ARHGAP1: variants seen among roughly 807,000 people sequenced by gnomAD.
ARHGAP1 encodes the protein Rho GTPase activating protein 1.
In ARHGAP1, 23 loss-of-function variants were observed where a neutral mutation model predicts 52.2. The observed-to-expected ratio is 0.44, with a 90% CI of 0.32 to 0.62. The LOEUF is 0.62. Among genes scored for constraint, ARHGAP1 ranks in the 20% least tolerant of loss-of-function variants. The pLI, the probability that ARHGAP1 is intolerant of heterozygous loss-of-function variation, is 0.05. For missense variants in ARHGAP1, 480 were observed against 560.9 expected (o/e 0.86, Z 1.46); for synonymous variants, 210 against 228.4 (o/e 0.92, Z 0.73).
intron 3 of ARHGAP1, among the ~76,000 whole-genome samples, chr11:46,690,374 G>A (rs1366064140): frequency 6.7e-6 from 1 of 150,344 alleles, no homozygotes; most frequent in African/African-American, 2.5e-5. Context: ...GTGATAAAGC[G>A]AGACTCCGTC....
chr11:46,699,809 T>C (rs2064687379), intron 1 of ARHGAP1, among the ~76,000 whole-genome samples: 1 of 152,176 alleles, frequency 6.6e-6, no homozygotes, highest in Admixed American at 6.5e-5. Context: ...TACAATTATG[T>C]TTGCATAGAG....
intron 1 of ARHGAP1, among the ~76,000 whole-genome samples, chr11:46,698,414 C>T (rs1249997296): frequency 6.6e-6 from 1 of 151,098 alleles, no homozygotes; most frequent in African/African-American, 2.4e-5. Flanking sequence ...CCAGCCTTGC[C>T]AACATGGTGA....
chr11:46,681,488 C>A lies in ARHGAP1; in HGVS notation c.450-109G>T. 2.5e-6 allele frequency: 2 copies of A among 807,734 alleles called. No individual in the cohort carries two copies. The highest frequency in any genetic ancestry group is 2.5e-5 in the East Asian group (1 of 40,222). 50.0% of individuals were successfully genotyped at this position (807,734 alleles called of 1,614,324 possible). A position where few individuals can be genotyped will look rare whatever the true frequency, so the allele number is the denominator to read the frequency against. On this transcript the variant is annotated intron_variant, in intron 5 of 12. Coordinates refer to ENST00000311956, the MANE Select transcript of ARHGAP1 (RefSeq NM_004308.5). The surrounding 1 kb of genome is among the most constrained non-coding windows in gnomAD (Gnocchi z 5.7). Reference sequence around the variant, plus strand: ...TGAGACAGAGTCTCCTTCACCCAGGCTGGAGTGTGATCTCAGCTCATTGCA... The same window carrying A: ...TGAGACAGAGTCTCCTTCACCCAGGATGGAGTGTGATCTCAGCTCATTGCA...
Position 46,679,855 on chromosome 11 carries a change from G to C in ARHGAP1, c.899-79C>G. 7 of 1,589,862 alleles carry C rather than the reference G, an allele frequency of 4.4e-6. No homozygotes were observed. The highest frequency in any genetic ancestry group is 6.0e-6 in the Non-Finnish European group (7 of 1,171,174). ...ATCTGCAGACAACGCGGGCCGCACT[G>C]CCTGACTGCCCCTGGACACTGCATA... On this transcript the variant is annotated intron_variant, in intron 10 of 12. Transcript: ENST00000311956. The surrounding 1 kb of genome is among the most constrained non-coding windows in gnomAD (Gnocchi z 4.4).
chr11:46,683,767 A>C (rs1357623495), intron 4 of ARHGAP1, among the ~76,000 whole-genome samples: 3 of 152,154 alleles, frequency 2.0e-5, no homozygotes, highest in Admixed American at 6.5e-5. Context: ...CAGCCTCCCA[A>C]GTAGCTGGGA....
Position 46,688,250 on chromosome 11 carries a change from C to A in ARHGAP1, c.240G>T (p.Lys80Asn). 1.2e-6 allele frequency: 2 copies of A among 1,613,732 alleles called. No homozygotes were observed. The highest frequency in any genetic ancestry group is 8.5e-7 in the Non-Finnish European group (1 of 1,179,844). ...TAAACACAATGATCTTCCGCCCATA[C>A]TTGTCATCTCCTAGGTGTGGAGAAA... ...HQIVEVAGDD[K>N]YGRKIIVFSA... Residue 80 changes from lysine to asparagine, a missense_variant, in exon 4 of 13, where the codon AAG (lysine) becomes AAT (asparagine). Transcript: ENST00000311956.
intron 3 of ARHGAP1, among the ~76,000 whole-genome samples, chr11:46,692,939 G>C (rs1303591301): frequency 6.6e-6 from 1 of 151,062 alleles, no homozygotes; most frequent in Non-Finnish European, 1.5e-5. Context: ...TGCAAGCTCC[G>C]CCTCCCGGGT....
At chr11:46,686,441 C>T (rs969593806) in intron 4 of ARHGAP1, among the ~76,000 whole-genome samples, 42 of 151,704 alleles carry the variant, frequency 2.8e-4, no homozygotes, top group African/African-American at 9.7e-4. Context: ...TTTTTTGAGA[C>T]GGAGTCTCGC....
intron 1 of ARHGAP1, among the ~76,000 whole-genome samples, chr11:46,697,846 CCCTTCAG>C (rs1410534269): frequency 6.6e-6 from 1 of 152,152 alleles, no homozygotes; most frequent in Non-Finnish European, 1.5e-5. Flanking sequence ...TCCCTCACTC[CCCTTCAG>C]CCTTCAACCC....
chr11:46,688,553 C>T (rs2064589098), intron 3 of ARHGAP1, among the ~76,000 whole-genome samples: 1 of 152,062 alleles, frequency 6.6e-6, no homozygotes, highest in Non-Finnish European at 1.5e-5. Context: ...GCAATCACGG[C>T]TCACTGTAGC....
Position 46,677,998 on chromosome 11 carries a change from T to C in ARHGAP1, c.*1039A>G, listed in dbSNP as rs1430385781. On this transcript the variant is annotated 3_prime_UTR_variant, in exon 13 of 13. Transcript: ENST00000311956. ...CCCCTTAATCCCCTGGGGAAATTGC[T>C]AGAACCCACCTATCTGGACTGACCT... The C allele has an allele frequency of 4.6e-6, 2 of 431,546 alleles. No individual in the cohort carries two copies. The highest frequency in any genetic ancestry group is 4.6e-6 in the Non-Finnish European group (1 of 219,514). The allele number at this position is 431,546 out of a possible 1,614,324, so 26.7% of individuals were successfully genotyped here.
At chr11:46,695,251 A>T in intron 3 of ARHGAP1, 1 of 350,452 alleles carries the variant, frequency 2.9e-6, no homozygotes, top group South Asian at 2.2e-5. Context: ...CCCATTCCAG[A>T]CTTCCCTAGG....
In ARHGAP1 at chr11:46,679,550, C is replaced by A; in HGVS notation, c.1028-82G>T. The A allele has an allele frequency of 6.2e-7, 1 of 1,604,506 alleles. No homozygotes were observed. The highest frequency in any genetic ancestry group is 8.5e-7 in the Non-Finnish European group (1 of 1,173,200). Reference sequence around the variant, plus strand: ...CTCTGATGCAGGCTAGAGGGGAGACCCCCAGCAGTCTTCCCTGGGAGGCGC... The same window carrying A: ...CTCTGATGCAGGCTAGAGGGGAGACACCCAGCAGTCTTCCCTGGGAGGCGC... On this transcript the variant is annotated intron_variant, in intron 11 of 12. Transcript: ENST00000311956. The surrounding 1 kb of genome is among the most constrained non-coding windows in gnomAD (Gnocchi z 4.4).
intron 4 of ARHGAP1, 107 bp from the exon 5 acceptor site, chr11:46,682,289 C>G: frequency 6.9e-7 from 1 of 1,448,342 alleles, no homozygotes; most frequent in Non-Finnish European, 9.5e-7. Context: ...CCCTTCCCCA[C>G]AGGCCCTCCC....
chr11:46,689,776 C>A (rs192542038), intron 3 of ARHGAP1, among the ~76,000 whole-genome samples: 1 of 152,108 alleles, frequency 6.6e-6, no homozygotes, highest in Non-Finnish European at 1.5e-5. Context: ...CCTGACGTCA[C>A]GATCCACCTG....
chr11:46,677,430 G>A lies in ARHGAP1; in HGVS notation c.*1607C>T, dbSNP rs2064486684. 6.5e-6 allele frequency: 1 copy of A among 152,890 alleles called. No individual in the cohort carries two copies. Among genetic ancestry groups the A allele is most frequent in the Non-Finnish European group, 1.5e-5 (1 of 68,400 alleles). 9.5% of individuals were successfully genotyped at this position (152,890 alleles called of 1,614,324 possible). A position where few individuals can be genotyped will look rare whatever the true frequency, so the allele number is the denominator to read the frequency against. ...GGAGAGCCCAGCGAAGTTATGCCCA[G>A]GCCCAGCCTGGCTTGCGGATGGGGC... On this transcript the variant is annotated 3_prime_UTR_variant, in exon 13 of 13. Coordinates refer to ENST00000311956, the MANE Select transcript of ARHGAP1 (RefSeq NM_004308.5).
At position 46,680,879 on chromosome 11, in the gene ARHGAP1, A is replaced by C; in HGVS notation, c.635+132T>G. Reference sequence around the variant, plus strand: ...TCTCTGTAACAACTCCGCTTTCCACAGCAGAAAGCAAAGACCTGGGAGAGG... The same window carrying C: ...TCTCTGTAACAACTCCGCTTTCCACCGCAGAAAGCAAAGACCTGGGAGAGG... On this transcript the variant is annotated intron_variant, in intron 7 of 12. Coordinates refer to ENST00000311956, the MANE Select transcript of ARHGAP1 (RefSeq NM_004308.5). This position sits in a 1 kb window ranked among gnomAD's most constrained non-coding sequence, Gnocchi z 5.9. 6.4e-6 allele frequency: 7 copies of C among 1,090,658 alleles called. No individual in the cohort carries two copies. Among genetic ancestry groups the C allele is most frequent in the Non-Finnish European group, 9.3e-6 (7 of 752,902 alleles). The allele number at this position is 1,090,658 out of a possible 1,614,324, so 67.6% of individuals were successfully genotyped here.
At position 46,677,261 on chromosome 11, in the gene ARHGAP1, G is replaced by C. The variant is rs1592380500; in HGVS notation, c.*1776C>G. 1 of 152,686 alleles carries C rather than the reference G, an allele frequency of 6.5e-6. No homozygotes were observed. Among genetic ancestry groups the C allele is most frequent in the Admixed American group, 6.5e-5 (1 of 15,294 alleles). The allele number at this position is 152,686 out of a possible 1,614,324, so 9.5% of individuals were successfully genotyped here. A position where few individuals can be genotyped will look rare whatever the true frequency, so the allele number is the denominator to read the frequency against. ...CCAAATAGATCCGAAAGGCTCCCCAGTGAATGGGGCTGTGAGCGACACTTG... is the reference window on the plus strand; with the variant it reads ...CCAAATAGATCCGAAAGGCTCCCCACTGAATGGGGCTGTGAGCGACACTTG... On this transcript the variant is annotated 3_prime_UTR_variant, in exon 13 of 13. Coordinates refer to ENST00000311956, the MANE Select transcript of ARHGAP1 (RefSeq NM_004308.5).
chr11:46,699,807 T>C (rs146970216), intron 1 of ARHGAP1, among the ~76,000 whole-genome samples: 92 of 152,290 alleles, frequency 6.0e-4, no homozygotes, highest in African/African-American at 2.0e-3. Flanking sequence ...ACTACAATTA[T>C]GTTTGCATAG....
Sources: allele counts gnomAD v4.1 joint callset (sites outside exome capture counted in the v4.1 genomes callset), GRCh38; gene constraint gnomAD v4.1.1; non-coding constraint Gnocchi (gnomAD v3.1); transcripts MANE v1.5; gene names NCBI Gene and HGNC (gene_info 2026-07-23, HGNC 2026-07-21).